The following TIMM17A variants were observed in gnomAD, a reference collection of about 807,000 sequenced individuals.
The protein encoded by TIMM17A is translocase of inner mitochondrial membrane 17A.
A neutral mutation model predicts 26.5 loss-of-function variants in TIMM17A; 15 were observed. That is an observed-to-expected ratio of 0.57 (90% confidence interval 0.38 to 0.87). TIMM17A has a LOEUF of 0.87. TIMM17A is among the 40% of genes least tolerant of loss of function. TIMM17A has a pLI of 0.00. For synonymous variants in TIMM17A, 80 were observed against 70.8 expected, an observed-to-expected ratio of 1.13 and a Z score of -0.66; for missense variants, 201 against 210.0, an observed-to-expected ratio of 0.96 and a Z score of 0.27.
chr1:201,961,242 A>G (rs554871280), intron 3 of TIMM17A, among the ~76,000 whole-genome samples: 10 of 150,616 alleles, frequency 6.6e-5, no homozygotes, highest in African/African-American at 2.4e-4. Flanking sequence ...AGTTTTTTGT[A>G]TTTTAGTGGA....
intron 1 of TIMM17A, 70 bp from the exon 2 acceptor site, chr1:201,957,204 ATCCTTAC>A: frequency 1.1e-6 from 1 of 932,884 alleles, no homozygotes; most frequent in Non-Finnish European, 1.7e-6. Context: ...TTCCATTATA[ATCCTTAC>A]TGTATTGGCA....
At chr1:201,962,794 G>A (rs188072914) in intron 3 of TIMM17A, 33 of 152,262 alleles carry the variant, frequency 2.2e-4, no homozygotes, top group Admixed American at 1.8e-3. Context: ...TCATTCATTT[G>A]CCCCTTCAGC....
chr1:201,969,672 TAA>T lies in TIMM17A; in HGVS notation c.*120_*121del. On this transcript the variant is annotated 3_prime_UTR_variant, in exon 6 of 6. Coordinates refer to ENST00000367287, the MANE Select transcript of TIMM17A (RefSeq NM_006335.3). ...TGGGACAGCTATGGCCAATAGGCTA[TAA>T]AGAGACATTTAGCACTTTTTTCTAT... is the stretch of plus-strand genomic sequence containing the variant. 1 of 763,520 alleles carries T rather than the reference TAA, an allele frequency of 1.3e-6. No homozygotes were observed. Among genetic ancestry groups the T allele is most frequent in the South Asian group, 1.8e-5 (1 of 55,542 alleles). 47.3% of individuals were successfully genotyped at this position (763,520 alleles called of 1,614,324 possible). A position where few individuals can be genotyped will look rare whatever the true frequency, so the allele number is the denominator to read the frequency against.
intron 5 of TIMM17A, among the ~76,000 whole-genome samples, chr1:201,966,846 A>T (rs565038569): frequency 7.3e-4 from 105 of 144,320 alleles, no homozygotes; most frequent in Non-Finnish European, 1.2e-3. Flanking sequence ...CATCTCAAAA[A>T]ATATATATAT....
intron 3 of TIMM17A, among the ~76,000 whole-genome samples, chr1:201,960,185 G>A (rs1421299099): frequency 2.0e-5 from 3 of 152,036 alleles, no homozygotes; most frequent in Non-Finnish European, 1.5e-5. Context: ...GATTACCTAA[G>A]GTCGAGAGTT....
chr1:201,966,200 A>G (rs1682623204), intron 5 of TIMM17A, among the ~76,000 whole-genome samples: 1 of 152,174 alleles, frequency 6.6e-6, no homozygotes, highest in Non-Finnish European at 1.5e-5. Context: ...ACATGGTTAT[A>G]GAATGTGCTC....
chr1:201,965,328 G>A (rs1223186044), intron 4 of TIMM17A, 105 bp from the exon 5 acceptor site: 1 of 766,830 alleles, frequency 1.3e-6, no homozygotes, highest in Non-Finnish European at 2.2e-6. Context: ...AAGAGTTTGG[G>A]AGTTGGGGGA....
intron 5 of TIMM17A, among the ~76,000 whole-genome samples, chr1:201,968,144 G>A (rs1037166177): frequency 3.3e-5 from 5 of 150,888 alleles, no homozygotes; most frequent in African/African-American, 9.7e-5. Flanking sequence ...CTACAGGTGC[G>A]CAACATCACA....
intron 3 of TIMM17A, chr1:201,963,096 A>G (rs1467112357): frequency 1.3e-5 from 2 of 152,950 alleles, no homozygotes; most frequent in African/African-American, 4.8e-5. Flanking sequence ...TTTGTTTGAG[A>G]TGGAGTGTCG....
At chr1:201,957,220 C>A in intron 1 of TIMM17A, 61 bp from the exon 2 acceptor site, 1 of 1,108,758 alleles carries the variant, frequency 9.0e-7, no homozygotes, top group Non-Finnish European at 1.4e-6. Context: ...ACTGTATTGG[C>A]AAAGAAGATT....
intron 3 of TIMM17A, chr1:201,963,241 A>G (rs6690948): frequency 0.099 from 17,369 of 174,686 alleles, 981 homozygotes; most frequent in Middle Eastern, 0.18. Flanking sequence ...ACACCCGGCT[A>G]ATTTTTACAT....
intron 3 of TIMM17A, among the ~76,000 whole-genome samples, chr1:201,960,257 G>A (rs964289134): frequency 5.3e-5 from 8 of 152,004 alleles, no homozygotes; most frequent in African/African-American, 1.4e-4. Context: ...CCAATTAGCC[G>A]GGTGTGGTGG....
intron 3 of TIMM17A, chr1:201,957,861 G>A (rs536442402): frequency 9.9e-5 from 30 of 303,942 alleles, no homozygotes; most frequent in African/African-American, 4.7e-4. Flanking sequence ...GTGTGAGGCC[G>A]GGCACGGGGC....
chr1:201,957,622 G>A, intron 3 of TIMM17A, 48 bp downstream of exon 3: 1 of 1,465,466 alleles, frequency 6.8e-7, no homozygotes. Context: ...CTGTTCCTTT[G>A]AAGATGGAGC....
At chr1:201,963,843 TGAC>T in intron 4 of TIMM17A, 99 bp downstream of exon 4, 1 of 1,306,584 alleles carries the variant, frequency 7.7e-7, no homozygotes, top group East Asian at 2.6e-5. Flanking sequence ...AACTGATTAT[TGAC>T]CAGGCACATT....
chr1:201,968,449 A>G (rs916303938), intron 5 of TIMM17A, among the ~76,000 whole-genome samples: 3 of 150,426 alleles, frequency 2.0e-5, no homozygotes, highest in African/African-American at 4.9e-5. Context: ...CTGGAGTGCA[A>G]TGGCGCGATC....
chr1:201,955,673 G>C, intron 1 of TIMM17A, 121 bp downstream of exon 1: 2 of 1,371,788 alleles, frequency 1.5e-6, no homozygotes, highest in Admixed American at 1.9e-5. Context: ...CTTGGGCCTG[G>C]TAACTGGGCA....
At chr1:201,967,635 T>C (rs1387930998) in intron 5 of TIMM17A, among the ~76,000 whole-genome samples, 1 of 151,562 alleles carries the variant, frequency 6.6e-6, no homozygotes, top group Non-Finnish European at 1.5e-5. Context: ...CTTGACCTCC[T>C]GGGCTCAGGC....
chr1:201,968,135 T>G (rs1258999148), intron 5 of TIMM17A, among the ~76,000 whole-genome samples: 2 of 151,802 alleles, frequency 1.3e-5, no homozygotes, highest in East Asian at 3.9e-4. Flanking sequence ...TAGCTGGGAC[T>G]ACAGGTGCGC....
Sources: gnomAD v4.1 joint callset for allele counts (sites outside exome capture counted in the v4.1 genomes callset) on GRCh38, gnomAD v4.1.1 for gene constraint, MANE v1.5 for transcripts, NCBI Gene and HGNC (gene_info 2026-07-23, HGNC 2026-07-21) for gene names.